Variants in OPCML observed in about 807,000 individuals in gnomAD.
OPCML encodes opioid binding protein/cell adhesion molecule like.
Under a neutral mutation model 37.8 loss-of-function variants are expected in OPCML, and 13 were observed. That is an observed-to-expected ratio of 0.34 (90% confidence interval 0.22 to 0.55). The LOEUF is 0.55. Ranked by LOEUF, OPCML falls within the 20% of genes least tolerant of loss-of-function variation. OPCML has a pLI of 0.91. For missense variants in OPCML, 341 were observed against 435.6 expected, an observed-to-expected ratio of 0.78 and a Z score of 1.93; for synonymous variants, 176 against 168.8, an observed-to-expected ratio of 1.04 and a Z score of -0.33.
intron 1 of OPCML, among the ~76,000 whole-genome samples, chr11:132,995,520 T>A (rs1946867163): frequency 6.6e-6 from 1 of 151,514 alleles, no homozygotes; most frequent in South Asian, 2.1e-4. Flanking sequence ...CTTTCTTTGA[T>A]GTTGATTGTG....
intron 2 of OPCML, among the ~76,000 whole-genome samples, chr11:132,827,015 C>A (rs1044155375): frequency 3.3e-5 from 5 of 152,162 alleles, no homozygotes; most frequent in South Asian, 4.1e-4. Context: ...TCCTTCTTAG[C>A]ACTTTGTAAC....
At chr11:132,441,249 G>C (rs1474746621) in intron 4 of OPCML, among the ~76,000 whole-genome samples, 19 of 134,020 alleles carry the variant, frequency 1.4e-4, no homozygotes, top group African/African-American at 5.6e-4. Context: ...CTCACTGCAA[G>C]CTCCGCCTCC....
chr11:132,639,050 G>A (rs904803415), intron 3 of OPCML, among the ~76,000 whole-genome samples: 3 of 143,676 alleles, frequency 2.1e-5, no homozygotes, highest in Non-Finnish European at 4.7e-5. Context: ...TTGTAGCCAC[G>A]TGATGATTAT....
intron 3 of OPCML, among the ~76,000 whole-genome samples, chr11:132,635,090 A>T (rs902979887): frequency 6.6e-6 from 1 of 152,138 alleles, no homozygotes; most frequent in Non-Finnish European, 1.5e-5. Flanking sequence ...ACTGCCCATG[A>T]TTATTACAGT....
At chr11:132,818,616 A>AGATAGATAGATAGATAGATAGAT (rs1555193683) in intron 2 of OPCML, among the ~76,000 whole-genome samples, 9 of 137,680 alleles carry the variant, frequency 6.5e-5, no homozygotes, top group African/African-American at 2.4e-4. Context: ...GATGATAGAT[A>AGATAGATAGATAGATAGATAGAT]GATAGATAAA....
rs925372195 is a variant in OPCML at position 133,214,227 on chromosome 11, T to A, written c.62-271217A>T. Among the ~76,000 whole-genome samples the A allele has an allele frequency of 2.0e-5, 3 of 152,354 alleles. No individual in the cohort carries two copies. The East Asian group carries it at 5.8e-4, about 29-fold the overall frequency. On this transcript the variant is annotated intron_variant, in intron 1 of 7. Transcript: ENST00000524381. Reference sequence around the variant, plus strand: ...TTATTTCAGATTATGAAGGTTTTTTTAAATTCACATTTTCAGATTTATTGG... The same window carrying A: ...TTATTTCAGATTATGAAGGTTTTTTAAAATTCACATTTTCAGATTTATTGG...
chr11:132,436,616 T>G (rs2096013907), intron 6 of OPCML, 43 bp downstream of exon 6: 1 of 1,606,858 alleles, frequency 6.2e-7, no homozygotes, highest in Admixed American at 1.7e-5. Flanking sequence ...GGATAGACCA[T>G]CAGCTCTGCT....
chr11:132,943,045 G>A lies in OPCML; in HGVS notation c.62-35C>T, dbSNP rs1298823375. Reference sequence around the variant, plus strand: ...CAAGGAACAGCAGCCTGAGAGACACGACCACGAGGCACTTCCAGGGCAGGA... The same window carrying A: ...CAAGGAACAGCAGCCTGAGAGACACAACCACGAGGCACTTCCAGGGCAGGA... On this transcript the variant is annotated intron_variant, in intron 1 of 7. Transcript: ENST00000524381. The surrounding 1 kb of genome is among the most constrained non-coding windows in gnomAD (Gnocchi z 4.3). 5.6e-6 allele frequency: 9 copies of A among 1,614,002 alleles called. No homozygotes were observed. The highest frequency in any genetic ancestry group is 2.7e-5 in the African/African-American group (2 of 74,914).
chr11:132,523,626 AG>A (rs2096300140), intron 4 of OPCML, among the ~76,000 whole-genome samples: 1 of 152,236 alleles, frequency 6.6e-6, no homozygotes, highest in African/African-American at 2.4e-5. Flanking sequence ...ATTTTTAAAA[AG>A]ACACAAGAAT....
intron 1 of OPCML, among the ~76,000 whole-genome samples, chr11:133,029,986 A>G (rs1947636325): frequency 6.6e-6 from 1 of 152,218 alleles, no homozygotes; most frequent in South Asian, 2.1e-4. Context: ...CAAGGTCACC[A>G]TCATCTTAAG....
intron 1 of OPCML, among the ~76,000 whole-genome samples, chr11:133,103,153 C>A (rs2137075795): frequency 6.6e-6 from 1 of 152,284 alleles, no homozygotes; most frequent in Non-Finnish European, 1.5e-5. Flanking sequence ...TACTTTGAGA[C>A]AGACATTTTT....
At chr11:133,348,998 G>A (rs1198999754) in intron 1 of OPCML, among the ~76,000 whole-genome samples, 2 of 152,152 alleles carry the variant, frequency 1.3e-5, no homozygotes, top group Non-Finnish European at 2.9e-5. Context: ...ATAGGGGTGC[G>A]GGGGCTTCGT....
chr11:133,484,135 A>AGAT (rs773519593), intron 1 of OPCML, among the ~76,000 whole-genome samples: 9 of 148,738 alleles, frequency 6.1e-5, no homozygotes, highest in African/African-American at 2.0e-4. Context: ...ATTGATAGAT[A>AGAT]GATGATAGAT....
chr11:133,195,014 C>T (rs999248616), intron 1 of OPCML, among the ~76,000 whole-genome samples: 5 of 152,170 alleles, frequency 3.3e-5, no homozygotes, highest in African/African-American at 9.7e-5. Context: ...TTAACTGTTC[C>T]ACTTTTATAA....
At chr11:133,254,797 G>A (rs565127255) in intron 1 of OPCML, among the ~76,000 whole-genome samples, 1 of 152,292 alleles carries the variant, frequency 6.6e-6, no homozygotes, top group South Asian at 2.1e-4. Context: ...GTGGTACCCA[G>A]AGGGGAACCT....
chr11:133,140,916 AGAAGAC>A (rs1194110114), intron 1 of OPCML, among the ~76,000 whole-genome samples: 5 of 16,264 alleles, frequency 3.1e-4, no homozygotes, highest in Admixed American at 1.0e-3. Context: ...ACGAAGAAGA[AGAAGAC>A]GACGACGACG....
At chr11:132,484,770 G>T (rs1427710515) in intron 4 of OPCML, among the ~76,000 whole-genome samples, 2 of 152,114 alleles carry the variant, frequency 1.3e-5, no homozygotes, top group African/African-American at 2.4e-5. Context: ...CCTTTGTAGG[G>T]ACATGGATGA....
chr11:133,373,582 G>A (rs1387256475), intron 1 of OPCML, among the ~76,000 whole-genome samples: 2 of 150,308 alleles, frequency 1.3e-5, no homozygotes, highest in East Asian at 3.9e-4. Flanking sequence ...CTGTGATCAC[G>A]CCACTGTACT....
intron 3 of OPCML, among the ~76,000 whole-genome samples, chr11:132,560,620 A>G (rs1302131760): frequency 2.0e-5 from 3 of 152,186 alleles, no homozygotes; most frequent in Non-Finnish European, 2.9e-5. Context: ...GATTATGGCC[A>G]TTCTTGTAGG....
Sources: allele counts gnomAD v4.1 joint callset (sites outside exome capture counted in the v4.1 genomes callset), GRCh38; gene constraint gnomAD v4.1.1; non-coding constraint Gnocchi (gnomAD v3.1); transcripts MANE v1.5; gene names NCBI Gene and HGNC (gene_info 2026-07-23, HGNC 2026-07-21).